Variants in PKHD1 observed in about 807,000 individuals in gnomAD.
The protein encoded by PKHD1 is fibrocystin.
Under a neutral mutation model 412.0 loss-of-function variants are expected in PKHD1, and 291 were observed. That is an observed-to-expected ratio of 0.71 (90% CI 0.64 to 0.78). The LOEUF (loss-of-function observed/expected upper bound fraction) is 0.78. Among genes scored for constraint, PKHD1 ranks in the 30% least tolerant of loss-of-function variants. The pLI, the probability that PKHD1 is intolerant of heterozygous loss-of-function variation, is 0.00. For synonymous variants in PKHD1, 1,777 were observed against 1,821.5 expected (o/e 0.98, Z 0.62); for missense variants, 4,825 against 4,950.7 (o/e 0.97, Z 0.76).
At chr6:51,982,167 C>T (rs1795453213) in intron 35 of PKHD1, among the ~76,000 whole-genome samples, 2 of 46,122 alleles carry the variant, frequency 4.3e-5, no homozygotes, top group African/African-American at 1.4e-4. Context: ...CCGGCAGCCA[C>T]CCCGTCCGGG....
At chr6:51,863,577 T>TG (rs1364409917) in intron 48 of PKHD1, among the ~76,000 whole-genome samples, 13 of 152,112 alleles carry the variant, frequency 8.5e-5, no homozygotes, top group African/African-American at 2.9e-4. Context: ...GATGATTGAA[T>TG]GGGGGTAGAG....
At chr6:51,726,155 TTTTC>T (rs1782547053) in intron 60 of PKHD1, among the ~76,000 whole-genome samples, 1 of 152,172 alleles carries the variant, frequency 6.6e-6, no homozygotes, top group Admixed American at 6.5e-5. Flanking sequence ...AATGAGCTGC[TTTTC>T]TTTATTATAG....
intron 37 of PKHD1, among the ~76,000 whole-genome samples, chr6:51,924,642 C>T (rs1293060948): frequency 6.6e-6 from 1 of 152,084 alleles, no homozygotes; most frequent in Non-Finnish European, 1.5e-5. Context: ...ACTAAGGTGA[C>T]AGTAATGGAG....
intron 60 of PKHD1, among the ~76,000 whole-genome samples, chr6:51,704,747 A>G (rs1274276292): frequency 6.6e-6 from 1 of 152,040 alleles, no homozygotes; most frequent in African/African-American, 2.4e-5. Flanking sequence ...TCTAGGTAAA[A>G]TAGTTGGATA....
intron 50 of PKHD1, among the ~76,000 whole-genome samples, chr6:51,843,225 G>A (rs935969547): frequency 2.6e-5 from 4 of 152,134 alleles, no homozygotes; most frequent in Admixed American, 6.5e-5. Context: ...GTTCTTAGAG[G>A]CAGATAAAGG....
At position 51,993,747 on chromosome 6, in the gene PKHD1, G is replaced by C. The variant is rs116351990; in HGVS notation, c.5751+16562C>G. ...GCCTCAACTCTGACAAAGTTAATTG[G>C]GGGATGATAGTCAATTCGATAGTTT... On this transcript the variant is annotated intron_variant, in intron 35 of 66. Transcript: ENST00000371117. Among the ~76,000 whole-genome samples, 811 of 152,224 alleles carry C rather than the reference G, an allele frequency of 5.3e-3. 11 individuals are homozygous for C. Among genetic ancestry groups the C allele is most frequent in the African/African-American group, 0.018 (763 of 41,530 alleles).
At position 51,708,941 on chromosome 6, in the gene PKHD1, A is replaced by T. The variant is rs1042667304; in HGVS notation, c.10156+35444T>A. ...GGAGAAAGGGAAGAAAGAGCAGGAG[A>T]AGGAGAAATGAAGACCATTTATGGC... On this transcript the variant is annotated intron_variant, in intron 60 of 66. Coordinates refer to ENST00000371117, the MANE Select transcript of PKHD1 (RefSeq NM_138694.4). Among the ~76,000 whole-genome samples, 5 of 152,244 alleles carry T rather than the reference A, an allele frequency of 3.3e-5. No individual in the cohort carries two copies. The South Asian group carries it at 1.0e-3, about 32-fold the overall frequency.
chr6:52,037,262 A>G (rs1049884410), intron 27 of PKHD1, among the ~76,000 whole-genome samples: 3 of 152,112 alleles, frequency 2.0e-5, no homozygotes, highest in Admixed American at 6.5e-5. Flanking sequence ...TTAAAAAGAA[A>G]GTTTTTTGAC....
In PKHD1 at chr6:51,744,450, A is replaced by G; in HGVS notation, c.10091T>C (p.Leu3364Pro). 6.2e-7 allele frequency: 1 copy of G among 1,613,660 alleles called. No individual in the cohort carries two copies. The highest frequency in any genetic ancestry group is 8.5e-7 in the Non-Finnish European group (1 of 1,179,572). The change falls in exon 60 of 67, where the codon CTG (leucine) becomes CCG (proline). Residue 3364 changes from leucine to proline, a missense_variant. Coordinates refer to ENST00000371117, the MANE Select transcript of PKHD1 (RefSeq NM_138694.4). ...FKDLDGRALG[L>P]PPPVSVFPKT... is the part of the protein sequence containing the mutation. ...AGGAAATACAGAAACTGGTGGAGGC[A>G]GACCCAGGGCTCTCCCATCCAGATC...
Position 51,658,950 on chromosome 6 carries a change from AC to A in PKHD1, c.11174+1del. The A allele has an allele frequency of 1.3e-6, 2 of 1,598,062 alleles. No homozygotes were observed. The highest frequency in any genetic ancestry group is 1.7e-6 in the Non-Finnish European group (2 of 1,165,608). On this transcript the variant is annotated splice_donor_variant, in intron 61 of 66. Transcript: ENST00000371117. LOFTEE classifies it high-confidence loss of function. ...TTGGATGTGAATATAATTAGTACTT[AC>A]CCATAGCCAATGACTCCCTTTGACT...
At chr6:51,848,031 A>G in intron 49 of PKHD1, 61 bp from the exon 50 acceptor site, 1 of 1,093,832 alleles carries the variant, frequency 9.1e-7, no homozygotes, top group Non-Finnish European at 1.4e-6. Flanking sequence ...CATTCCACCT[A>G]CTCCACCACA....
chr6:51,691,480 A>G (rs749926042), intron 60 of PKHD1, among the ~76,000 whole-genome samples: 9 of 152,206 alleles, frequency 5.9e-5, no homozygotes. Context: ...TAGCCACAAA[A>G]AAGAATGAGA....
intron 60 of PKHD1, among the ~76,000 whole-genome samples, chr6:51,677,347 T>C (rs936958452): frequency 6.6e-6 from 1 of 152,122 alleles, no homozygotes; most frequent in Non-Finnish European, 1.5e-5. Context: ...GTTACTGGTG[T>C]AGTGAAGTGG....
chr6:51,688,283 G>A (rs578044335), intron 60 of PKHD1, among the ~76,000 whole-genome samples: 9 of 152,274 alleles, frequency 5.9e-5, no homozygotes, highest in African/African-American at 2.2e-4. Context: ...GGGGAGAATT[G>A]GACTTGGGTT....
At chr6:51,822,790 C>T (rs1257573488) in intron 52 of PKHD1, among the ~76,000 whole-genome samples, 1 of 152,140 alleles carries the variant, frequency 6.6e-6, no homozygotes, top group Non-Finnish European at 1.5e-5. Flanking sequence ...TACCCCTAGG[C>T]ATTCACCTGT....
intron 31 of PKHD1, among the ~76,000 whole-genome samples, chr6:52,026,413 C>T (rs1353578297): frequency 6.6e-6 from 1 of 152,098 alleles, no homozygotes; most frequent in African/African-American, 2.4e-5. Context: ...ATAGGAAGGA[C>T]GTCTTCAACA....
chr6:52,073,004 C>T (rs1810854330), intron 7 of PKHD1, among the ~76,000 whole-genome samples: 1 of 152,184 alleles, frequency 6.6e-6, no homozygotes, highest in Non-Finnish European at 1.5e-5. Context: ...TCCCAGAAAA[C>T]ATTAAAAGCT....
chr6:51,679,711 G>A (rs180949392), intron 60 of PKHD1, among the ~76,000 whole-genome samples: 208 of 152,058 alleles, frequency 1.4e-3, no homozygotes, highest in African/African-American at 4.8e-3. Context: ...GACCCAACTC[G>A]GTGATTCCCA....
rs138116782 is a variant in PKHD1, at chr6:52,031,897, G to C, written c.3364+1133C>G. On this transcript the variant is annotated intron_variant, in intron 29 of 66. Coordinates refer to ENST00000371117, the MANE Select transcript of PKHD1 (RefSeq NM_138694.4). ...CAACAACATAACTTTTGGAGCACTT[G>C]GTCAACTGTCAAGCTAATCCTAGAT... Among the ~76,000 whole-genome samples, 1,046 of 152,216 alleles carry C rather than the reference G, an allele frequency of 6.9e-3. 12 individuals carry two copies. Among genetic ancestry groups the C allele is most frequent in the African/African-American group, 0.024 (976 of 41,528 alleles).
Sources: allele counts gnomAD v4.1 joint callset (sites outside exome capture counted in the v4.1 genomes callset), GRCh38; gene constraint gnomAD v4.1.1; transcripts MANE v1.5; gene names NCBI Gene and HGNC (gene_info 2026-07-23, HGNC 2026-07-21).